Variants in GABRR3 observed in about 807,000 individuals in gnomAD.
GABRR3 encodes the protein gamma-aminobutyric acid type A receptor subunit rho3, also known as gamma-aminobutyric acid receptor subunit rho-3.
In GABRR3, 29 loss-of-function variants were observed where a neutral mutation model predicts 43.2. That is an observed-to-expected ratio of 0.67 (90% confidence interval 0.50 to 0.92). The LOEUF is 0.92. GABRR3 is among the 40% of genes least tolerant of loss of function. The pLI is 0.00. For missense variants in GABRR3, 576 were observed against 572.3 expected (o/e 1.01, Z -0.07); for synonymous variants, 206 against 195.9 (o/e 1.05, Z -0.43).
At chr3:98,035,268 G>C (rs949452224) in exon 1 of GABRR3, 1 of 375,062 alleles carries the variant, frequency 2.7e-6, no homozygotes, top group Non-Finnish European at 4.9e-6. Flanking sequence ...CTTTTTCCGG[G>C]GAAGGTTTTT....
chr3:98,005,883 T>A (rs1207935847), intron 7 of GABRR3, among the ~76,000 whole-genome samples: 15 of 152,174 alleles, frequency 9.9e-5, no homozygotes, highest in Non-Finnish European at 2.2e-4. Context: ...TATATTAGCA[T>A]TAAATGTTGC....
intron 1 of GABRR3, 86 bp from the exon 2 acceptor site, chr3:98,035,075 A>C (rs370081104): frequency 6.8e-7 from 1 of 1,476,958 alleles, no homozygotes. Flanking sequence ...CTTTTAAAAA[A>C]CAAACAGCAT....
At chr3:98,020,300 T>C (rs1049581096) in intron 3 of GABRR3, among the ~76,000 whole-genome samples, 1 of 152,116 alleles carries the variant, frequency 6.6e-6, no homozygotes, top group African/African-American at 2.4e-5. Flanking sequence ...ATTTGAGGAC[T>C]AGACATAGTA....
At chr3:98,006,701 A>G (rs571446192) in intron 7 of GABRR3, among the ~76,000 whole-genome samples, 7 of 152,290 alleles carry the variant, frequency 4.6e-5, no homozygotes, top group Admixed American at 1.3e-4. Context: ...ATTGAATCTG[A>G]AGTGGCATTT....
intron 8 of GABRR3, among the ~76,000 whole-genome samples, chr3:97,996,937 G>A (rs1294399971): frequency 6.6e-6 from 1 of 152,116 alleles, no homozygotes; most frequent in African/African-American, 2.4e-5. Context: ...CGAAAAATAT[G>A]GTGGTCTAAA....
chr3:98,013,171 T>G (rs1472391261), intron 4 of GABRR3, among the ~76,000 whole-genome samples: 1 of 152,202 alleles, frequency 6.6e-6, no homozygotes, highest in Non-Finnish European at 1.5e-5. Context: ...CAAAGTTTAG[T>G]GTGCAAAGAC....
downstream of GABRR3, among the ~76,000 whole-genome samples, chr3:97,986,274 G>C (rs537197754): frequency 8.5e-5 from 13 of 152,336 alleles, no homozygotes; most frequent in African/African-American, 2.6e-4. Context: ...CTATGTGGAT[G>C]TTCTTGCCTA....
intron 4 of GABRR3, among the ~76,000 whole-genome samples, chr3:98,016,401 T>A (rs1706873778): frequency 6.6e-6 from 1 of 152,232 alleles, no homozygotes; most frequent in East Asian, 1.9e-4. Flanking sequence ...TCTTGCCATG[T>A]GATGCCTGCT....
At chr3:98,008,227 A>G (rs1199898426) in intron 6 of GABRR3, among the ~76,000 whole-genome samples, 1 of 152,216 alleles carries the variant, frequency 6.6e-6, no homozygotes, top group African/African-American at 2.4e-5. Flanking sequence ...GAGTGACACC[A>G]TAGCATCCCC....
chr3:98,012,539 T>C (rs948051501), exon 5 of GABRR3: 14 of 1,613,786 alleles, frequency 8.7e-6, no homozygotes, highest in Middle Eastern at 1.6e-4. Context: ...TTTCCAGTAA[T>C]GCCTGAGATA....
At chr3:98,031,078 T>C (rs1285892285) in intron 2 of GABRR3, among the ~76,000 whole-genome samples, 2 of 152,212 alleles carry the variant, frequency 1.3e-5, no homozygotes, top group East Asian at 1.9e-4. Flanking sequence ...ATGGCTCTGA[T>C]TGAACTCCTA....
Position 98,035,008 on chromosome 3 carries a change from A to G in GABRR3, c.-2-19T>C, listed in dbSNP as rs1707134218. 2 of 1,608,074 alleles carry G rather than the reference A, an allele frequency of 1.2e-6. No homozygotes were observed. Among genetic ancestry groups the G allele is most frequent in the Middle Eastern group, 1.7e-4 (1 of 6,044 alleles). ...ACCATCTCTTCCAAAACAAAAAAAC[A>G]GAAAGGATGCAGGTGAACGCAACCA... On this transcript the variant is annotated intron_variant, in intron 1 of 9. Coordinates refer to ENST00000621172, the Ensembl canonical transcript of GABRR3.
In GABRR3 at chr3:98,023,046, C is replaced by A. The variant is rs370499791; in HGVS notation, c.238+2521G>T. Among the ~76,000 whole-genome samples, 48 of 152,146 alleles carry A rather than the reference C, an allele frequency of 3.2e-4. No individual in the cohort carries two copies. The East Asian group carries it at 9.1e-3, about 29-fold the overall frequency. ...CTCCGTCATCTACAGGAGTGCTTCT[C>A]AAACTGTAAGGTTTAGGGGAATCAC... On this transcript the variant is annotated intron_variant, in intron 3 of 9. Transcript: ENST00000621172.
At chr3:98,007,629 T>A in intron 7 of GABRR3, 135 bp downstream of exon 7, 1 of 904,478 alleles carries the variant, frequency 1.1e-6, no homozygotes, top group Non-Finnish European at 1.7e-6. Flanking sequence ...GCTTGCTCCC[T>A]GTAAAAGGAG....
exon 5 of GABRR3, chr3:98,012,445 A>T (rs1220621824): frequency 6.2e-7 from 1 of 1,613,954 alleles, no homozygotes; most frequent in Admixed American, 1.7e-5. Context: ...CAAAAAAGAT[A>T]TCAGGCACCC....
At chr3:98,023,035 G>A (rs1318851296) in intron 3 of GABRR3, among the ~76,000 whole-genome samples, 1 of 152,068 alleles carries the variant, frequency 6.6e-6, no homozygotes, top group Non-Finnish European at 1.5e-5. Context: ...GTCATCTACA[G>A]GAGTGCTTCT....
intron 5 of GABRR3, among the ~76,000 whole-genome samples, chr3:98,011,236 T>A (rs1031548907): frequency 6.6e-6 from 1 of 152,136 alleles, no homozygotes; most frequent in African/African-American, 2.4e-5. Flanking sequence ...CGAGCAAAAA[T>A]AATCTGTATG....
At chr3:98,007,191 G>A (rs1706732641) in intron 7 of GABRR3, among the ~76,000 whole-genome samples, 1 of 152,108 alleles carries the variant, frequency 6.6e-6, no homozygotes, top group South Asian at 2.1e-4. Flanking sequence ...GGTTGGTTTG[G>A]TTAGGAAAGC....
chr3:98,026,042 C>G (rs1707011232), intron 2 of GABRR3, among the ~76,000 whole-genome samples: 1 of 152,160 alleles, frequency 6.6e-6, no homozygotes, highest in African/African-American at 2.4e-5. Flanking sequence ...AATCAGTCCC[C>G]TAGGAAGCAG....
Sources: gnomAD v4.1 joint callset for allele counts (sites outside exome capture counted in the v4.1 genomes callset) on GRCh38, gnomAD v4.1.1 for gene constraint, MANE v1.5 for transcripts, NCBI Gene and HGNC (gene_info 2026-07-23, HGNC 2026-07-21) for gene names.